Variants in PHF20L1 observed in about 807,000 individuals in gnomAD.
PHF20L1 encodes PHD finger protein 20 like 1.
In PHF20L1, 44 loss-of-function variants were observed where a neutral mutation model predicts 125.5. The ratio of observed to expected loss-of-function variants is 0.35; its 90% CI spans 0.28 to 0.45. The LOEUF (loss-of-function observed/expected upper bound fraction) is 0.45, where lower values mean the gene tolerates loss of function less well. PHF20L1 is among the 20% of genes least tolerant of loss of function. PHF20L1 has a pLI of 1.00. For synonymous variants in PHF20L1, 380 were observed against 403.1 expected, an observed-to-expected ratio of 0.94 and a Z score of 0.69; for missense variants, 1,012 against 1,217.2, an observed-to-expected ratio of 0.83 and a Z score of 2.51.
At chr8:132,794,989 G>A (rs1204653322) in intron 4 of PHF20L1, among the ~76,000 whole-genome samples, 172 bp downstream of exon 4, 1 of 152,066 alleles carries the variant, frequency 6.6e-6, no homozygotes, top group South Asian at 2.1e-4. Flanking sequence ...AGAATAAAAT[G>A]CTATATGGTT....
In PHF20L1 at chr8:132,839,405, A is replaced by G; in HGVS notation, c.2210A>G (p.Lys737Arg). The G allele has an allele frequency of 6.2e-7, 1 of 1,612,968 alleles. No homozygotes were observed. Among genetic ancestry groups the G allele is most frequent in the East Asian group, 2.2e-5 (1 of 44,846 alleles). Residue 737 changes from lysine (K) to arginine (R), a missense_variant, in exon 18 of 21, where the codon AAA becomes AGA. By Grantham distance (26) the Lys-to-Arg change is conservative. Around this residue, in one of 7 missense-constraint regions of PHF20L1, gnomAD observed 55 missense variants for 114.8 expected, o/e 0.48. Coordinates refer to ENST00000395386, the MANE Select transcript of PHF20L1 (RefSeq NM_016018.5). ...RDPPGQRWSAKYRYDKEWLNN... is the reference protein window; with the variant it reads ...RDPPGQRWSARYRYDKEWLNN... ...TCTGCAGGTCAGAGGTGGAGTGCAAAATATCGTTATGATAAGGAGTGGTTG... is the reference window on the plus strand; with the variant it reads ...TCTGCAGGTCAGAGGTGGAGTGCAAGATATCGTTATGATAAGGAGTGGTTG...
In PHF20L1 at chr8:132,842,534, C is replaced by T. The variant is rs1171569545; in HGVS notation, c.2407C>T (p.Leu803Phe). The T allele has an allele frequency of 6.2e-7, 1 of 1,604,870 alleles. No individual in the cohort carries two copies. Among genetic ancestry groups the T allele is most frequent in the Non-Finnish European group, 8.5e-7 (1 of 1,177,284 alleles). Reference sequence around the variant, plus strand: ...TTTAAGGAATAAACATCATCCTGACCTTCATCTCTGGGCTTGTTCCGGGAA... The same window carrying T: ...TTTAAGGAATAAACATCATCCTGACTTTCATCTCTGGGCTTGTTCCGGGAA... ...GILKNKHHPD[L>F]HLWACSGKRK... The change falls in exon 19 of 21, where the codon CTT becomes TTT. Residue 803 changes from leucine to phenylalanine, a missense_variant. Coordinates refer to ENST00000395386, the MANE Select transcript of PHF20L1 (RefSeq NM_016018.5).
intron 14 of PHF20L1, among the ~76,000 whole-genome samples, chr8:132,831,061 GC>G (rs1372226541): frequency 2.6e-5 from 4 of 151,904 alleles, no homozygotes; most frequent in Non-Finnish European, 4.4e-5. Context: ...CTGGACTACT[GC>G]TGTAGCCTCT....
intron 14 of PHF20L1, among the ~76,000 whole-genome samples, chr8:132,830,759 C>T (rs1429026067): frequency 1.3e-5 from 2 of 152,068 alleles, no homozygotes; most frequent in Non-Finnish European, 2.9e-5. Flanking sequence ...TCACCACTGC[C>T]ATCCCCCTTT....
At chr8:132,788,836 A>G (rs1831352314) in intron 2 of PHF20L1, 1 of 152,146 alleles carries the variant, frequency 6.6e-6, no homozygotes, top group Non-Finnish European at 1.5e-5. Context: ...GAGTTAATAA[A>G]TCATCTTGTC....
intron 2 of PHF20L1, among the ~76,000 whole-genome samples, chr8:132,778,747 G>A (rs1428855691): frequency 6.6e-6 from 1 of 152,164 alleles, no homozygotes; most frequent in Non-Finnish European, 1.5e-5. Context: ...TGCTGTCTTG[G>A]CAGATGTCTT....
At chr8:132,794,385 T>C (rs766281315) in intron 2 of PHF20L1, 25 bp from the exon 3 acceptor site, 2 of 1,476,056 alleles carry the variant, frequency 1.4e-6, no homozygotes, top group Admixed American at 1.7e-5. Context: ...ATTTTCTCTT[T>C]ATATGAAGCA....
At chr8:132,815,533 C>T (rs1834877241) in intron 10 of PHF20L1, 2 of 151,720 alleles carry the variant, frequency 1.3e-5, no homozygotes, top group Admixed American at 6.6e-5. Context: ...AGTTTAGTAT[C>T]CTAAGTTGGA....
intron 14 of PHF20L1, among the ~76,000 whole-genome samples, chr8:132,827,379 AT>A (rs1239812805): frequency 6.6e-6 from 1 of 151,956 alleles, no homozygotes; most frequent in Non-Finnish European, 1.5e-5. Context: ...CTCTGAGGGG[AT>A]TTGCCTAGCT....
At position 132,844,170 on chromosome 8, in the gene PHF20L1, G is replaced by A; in HGVS notation, c.2763G>A (p.Gly921=). Residue 921 remains glycine, a synonymous_variant, in exon 20 of 21, where the codon GGG becomes GGA. Transcript: ENST00000395386. ...HGMPEKNPAE[G]NTVFVYNDKK... is the part of the protein sequence containing the mutation. ...CTTTGGAGAAGAATCCAGCTGAAGG[G>A]AATACAGTATTTGTTTATAATGATA... The A allele has an allele frequency of 1.2e-6, 2 of 1,612,388 alleles. No homozygotes were observed. Among genetic ancestry groups the A allele is most frequent in the Non-Finnish European group, 1.7e-6 (2 of 1,178,952 alleles).
intron 6 of PHF20L1, among the ~76,000 whole-genome samples, chr8:132,801,863 A>T (rs1010121159): frequency 6.6e-6 from 1 of 151,746 alleles, no homozygotes; most frequent in African/African-American, 2.4e-5. Context: ...AAAGCATTTT[A>T]AAAACATATT....
Position 132,814,798 on chromosome 8 carries a change from A to G in PHF20L1, c.1092A>G (p.Lys364=), listed in dbSNP as rs199888327. ...HESGDSSGCI[K]PPKSPLSPEL... ...CTGGAGATTCTTCTGGGTGTATAAA[A>G]CCCCCTAAATCACCACTTTCCCCAG... Residue 364 remains lysine (K), a synonymous_variant, in exon 10 of 21, where the codon AAA becomes AAG. Transcript: ENST00000395386. The G allele has an allele frequency of 4.7e-5, 75 of 1,611,996 alleles. No individual in the cohort carries two copies. Among genetic ancestry groups the G allele is most frequent in the Non-Finnish European group, 6.1e-5 (72 of 1,178,870 alleles).
intron 19 of PHF20L1, chr8:132,843,652 CT>C (rs1838162014): frequency 1.0e-6 from 1 of 975,052 alleles, no homozygotes; most frequent in South Asian, 4.8e-5. Context: ...GCAGTTTGTA[CT>C]TTTGAAACTT....
chr8:132,832,916 C>T (rs900493624), intron 15 of PHF20L1, among the ~76,000 whole-genome samples: 3 of 152,050 alleles, frequency 2.0e-5, no homozygotes, highest in African/African-American at 7.2e-5. Flanking sequence ...TAAACACAGG[C>T]AGGAACTAAG....
At chr8:132,803,704 G>A in intron 6 of PHF20L1, 115 bp from the exon 7 acceptor site, 7 of 624,880 alleles carry the variant, frequency 1.1e-5, no homozygotes, top group South Asian at 6.2e-5. Flanking sequence ...CTATATTTAT[G>A]TTTATGTAGT....
At chr8:132,796,116 G>A (rs981832540) in intron 4 of PHF20L1, among the ~76,000 whole-genome samples, 2 of 152,092 alleles carry the variant, frequency 1.3e-5, no homozygotes, top group African/African-American at 4.8e-5. Context: ...TTTAAACTGA[G>A]TCTTGAAAGA....
intron 8 of PHF20L1, chr8:132,807,621 G>T: frequency 9.6e-6 from 4 of 417,770 alleles, no homozygotes; most frequent in South Asian, 6.9e-5. Context: ...TGGAATACCT[G>T]GATGAAAAGT....
chr8:132,825,022 TG>T, intron 13 of PHF20L1: 1 of 1,426,248 alleles, frequency 7.0e-7, no homozygotes. Context: ...CTACTGTCTG[TG>T]TTAACTTTAA....
intron 2 of PHF20L1, among the ~76,000 whole-genome samples, chr8:132,780,323 A>C (rs1465711386): frequency 6.6e-6 from 1 of 152,168 alleles, no homozygotes; most frequent in Non-Finnish European, 1.5e-5. Flanking sequence ...TTTATTTATA[A>C]ATAGGATAAT....
Sources: allele counts gnomAD v4.1 joint callset (sites outside exome capture counted in the v4.1 genomes callset), GRCh38; gene constraint gnomAD v4.1.1; regional missense constraint gnomAD v4.1.1; transcripts MANE v1.5; gene names NCBI Gene and HGNC (gene_info 2026-07-23, HGNC 2026-07-21).